KDM4B: variants seen among roughly 807,000 people sequenced by gnomAD.
KDM4B encodes the protein lysine demethylase 4B.
In KDM4B, 32 loss-of-function variants were observed where a neutral mutation model predicts 125.2. The observed-to-expected ratio is 0.26, with a 90% CI of 0.19 to 0.34. KDM4B has a LOEUF of 0.34. Among genes scored for constraint, KDM4B ranks in the 10% least tolerant of loss-of-function variants. KDM4B has a pLI of 1.00. For missense variants in KDM4B, 1,190 were observed against 1,577.7 expected (o/e 0.75, Z 4.16); for synonymous variants, 721 against 677.9 (o/e 1.06, Z -0.99).
Position 5,144,335 on chromosome 19 carries a change from G to A in KDM4B, c.2824G>A (p.Ala942Thr), listed in dbSNP as rs1291989924. ...GTACTACCGCTGTCGCGTCATCGGT[G>A]CCGCCTCGCAGACCTGCTACGAAGT... ...GLYYRCRVIG[A>T]ASQTCYEVNF... is the part of the protein sequence containing the mutation. Residue 942 changes from alanine (A) to threonine (T), a missense_variant, in exon 20 of 23, where the codon GCC becomes ACC. Physicochemically the swap from Ala to Thr is moderately conservative, Grantham distance 58. Transcript: ENST00000159111. The A allele has an allele frequency of 6.4e-7, 1 of 1,568,242 alleles. No homozygotes were observed.
intron 2 of KDM4B, among the ~76,000 whole-genome samples, chr19:5,017,439 G>A (rs1342466627): frequency 2.6e-5 from 4 of 152,212 alleles, no homozygotes; most frequent in Non-Finnish European, 5.9e-5. Flanking sequence ...CTGGAACAGA[G>A]GGCGTGGCCT....
intron 9 of KDM4B, among the ~76,000 whole-genome samples, chr19:5,099,756 C>T (rs760567460): frequency 5.3e-5 from 8 of 152,340 alleles, no homozygotes; most frequent in Admixed American, 1.3e-4. Flanking sequence ...CCCCAGAGAG[C>T]TCCCTCACCC....
intron 6 of KDM4B, among the ~76,000 whole-genome samples, chr19:5,055,010 G>A (rs754917879): frequency 6.6e-6 from 1 of 152,228 alleles, no homozygotes; most frequent in Non-Finnish European, 1.5e-5. Context: ...ACACTGGGGC[G>A]TCCACAGCGA....
chr19:5,036,292 C>A (rs2036624006), intron 3 of KDM4B, among the ~76,000 whole-genome samples: 1 of 152,234 alleles, frequency 6.6e-6, no homozygotes, highest in African/African-American at 2.4e-5. Flanking sequence ...TCGCCCCTGC[C>A]CCCAGCAGAG....
In KDM4B at chr19:5,029,345, C is replaced by T. The variant is rs577695984; in HGVS notation, c.-25-3521C>T. On this transcript the variant is annotated intron_variant, in intron 2 of 22. Coordinates refer to ENST00000159111, the MANE Select transcript of KDM4B (RefSeq NM_015015.3). ...GCTCTTCCAGGGTGTCTGATGCCCC[C>T]GAGTCATCCTGTGTCCTCTGTCTGC... Among the ~76,000 whole-genome samples the T allele has an allele frequency of 6.3e-4, 96 of 152,354 alleles. 1 individual carries two copies. Among genetic ancestry groups the T allele is most frequent in the African/African-American group, 2.3e-3 (94 of 41,586 alleles).
chr19:5,043,111 C>T (rs1041199816), intron 5 of KDM4B, among the ~76,000 whole-genome samples: 7 of 151,208 alleles, frequency 4.6e-5, no homozygotes, highest in African/African-American at 7.3e-5. Flanking sequence ...TTATCCCGCA[C>T]GGCGTTTATC....
Position 5,038,533 on chromosome 19 carries a change from G to T in KDM4B, c.142-1303G>T, listed in dbSNP as rs866776800. On this transcript the variant is annotated intron_variant, in intron 3 of 22. Transcript: ENST00000159111. The stretch of plus-strand genomic sequence containing the variant: ...GGCACCGGGTTCCGGCTGCAGTGCC[G>T]CCTCTGACAGGTGCTGGTCCTTGTC... Among the ~76,000 whole-genome samples the T allele has an allele frequency of 2.0e-5, 3 of 152,230 alleles. No individual in the cohort carries two copies. In the East Asian group the frequency reaches 5.8e-4, roughly 29 times the overall value.
In KDM4B at chr19:5,137,158, C is replaced by T. The variant is rs1355888263; in HGVS notation, c.2309-104C>T. On this transcript the variant is annotated intron_variant, in intron 15 of 22. Transcript: ENST00000159111. The stretch of plus-strand genomic sequence containing the variant: ...TGCGGAGGCCTCGTCACTCCACATA[C>T]GGACACTGGCCCCCAAGTTACCCGG... The T allele has an allele frequency of 1.5e-5, 11 of 755,582 alleles. 1 individual carries two copies. Among genetic ancestry groups the T allele is most frequent in the African/African-American group, 3.4e-5 (2 of 58,426 alleles). The allele number at this position is 755,582 out of a possible 1,614,324, so 46.8% of individuals were successfully genotyped here. A position where few individuals can be genotyped will look rare whatever the true frequency, so the allele number is the denominator to read the frequency against.
intron 6 of KDM4B, among the ~76,000 whole-genome samples, chr19:5,062,570 C>T (rs1306750148): frequency 6.6e-6 from 1 of 152,176 alleles, no homozygotes; most frequent in African/African-American, 2.4e-5. Flanking sequence ...TCCTGCTCCA[C>T]CCTAGACGAG....
intron 1 of KDM4B, among the ~76,000 whole-genome samples, chr19:4,990,583 G>A (rs921076225): frequency 6.6e-6 from 1 of 152,168 alleles, no homozygotes; most frequent in East Asian, 1.9e-4. Context: ...CTCACATGCC[G>A]TGTTTTAATA....
At chr19:5,051,643 A>C (rs944703576) in intron 6 of KDM4B, among the ~76,000 whole-genome samples, 1 of 152,210 alleles carries the variant, frequency 6.6e-6, no homozygotes, top group South Asian at 2.1e-4. Context: ...CGTGGCAGCC[A>C]CAGAGGCCTC....
chr19:5,046,104 G>T (rs1009662471), intron 5 of KDM4B, among the ~76,000 whole-genome samples: 2 of 152,346 alleles, frequency 1.3e-5, no homozygotes, highest in East Asian at 1.9e-4. Context: ...GAGCCTCTGG[G>T]TTGGCTGGCC....
intron 21 of KDM4B, 76 bp downstream of exon 21, chr19:5,144,978 C>A: frequency 6.3e-7 from 1 of 1,588,168 alleles, no homozygotes; most frequent in Non-Finnish European, 8.6e-7. Context: ...GAGGATCACA[C>A]CCCTGGCCCA....
At chr19:5,096,952 G>C (rs891295076) in intron 9 of KDM4B, among the ~76,000 whole-genome samples, 7 of 152,356 alleles carry the variant, frequency 4.6e-5, no homozygotes, top group African/African-American at 9.6e-5. Context: ...TGCTAGGGAA[G>C]GGCTTGTGAG....
Position 5,024,951 on chromosome 19 carries a change from A to C in KDM4B, c.-25-7915A>C, listed in dbSNP as rs1033738673. ...TGACAAGAGCGAGACTCCGTCTCAA[A>C]AAACAAAAACAAAAAGGCTTTATTG... On this transcript the variant is annotated intron_variant, in intron 2 of 22. Coordinates refer to ENST00000159111, the MANE Select transcript of KDM4B (RefSeq NM_015015.3). Among the ~76,000 whole-genome samples, 17 of 152,260 alleles carry C rather than the reference A, an allele frequency of 1.1e-4. 1 individual carries two copies. The highest frequency in any genetic ancestry group is 4.1e-4 in the African/African-American group (17 of 41,468).
rs1401750180 is a variant in KDM4B, at chr19:5,114,836, G to A, written c.1115+4018G>A. Among the ~76,000 whole-genome samples the A allele has an allele frequency of 1.3e-5, 2 of 152,216 alleles. No individual in the cohort carries two copies. The highest frequency in any genetic ancestry group is 6.5e-5 in the Admixed American group (1 of 15,288). On this transcript the variant is annotated intron_variant, in intron 10 of 22. Coordinates refer to ENST00000159111, the MANE Select transcript of KDM4B (RefSeq NM_015015.3). The surrounding 1 kb of genome is among the most constrained non-coding windows in gnomAD (Gnocchi z 5.8). ...GACAGGGCCAGAGGCCGTCCACCCCGCCTCCTGCCATACAAGCTGCAAAGG... is the reference window on the plus strand; with the variant it reads ...GACAGGGCCAGAGGCCGTCCACCCCACCTCCTGCCATACAAGCTGCAAAGG...
intron 9 of KDM4B, among the ~76,000 whole-genome samples, chr19:5,090,935 G>A (rs1568292140): frequency 6.6e-6 from 1 of 152,036 alleles, no homozygotes; most frequent in Non-Finnish European, 1.5e-5. Context: ...GGGGGCAGCT[G>A]GAGGGGTCTC....
chr19:5,119,240 G>A (rs1334361047), intron 10 of KDM4B: 15 of 1,459,060 alleles, frequency 1.0e-5, no homozygotes, highest in African/African-American at 2.8e-5. Context: ...TTTTCGTTCC[G>A]TTTGTCGTCT....
intron 9 of KDM4B, among the ~76,000 whole-genome samples, chr19:5,090,789 C>T (rs1366247667): frequency 2.0e-5 from 3 of 150,690 alleles, no homozygotes; most frequent in Non-Finnish European, 3.0e-5. Context: ...CACCCTAGAC[C>T]TTCCTCTGCT....
Sources: gnomAD v4.1 joint callset for allele counts (sites outside exome capture counted in the v4.1 genomes callset) on GRCh38, gnomAD v4.1.1 for gene constraint, Gnocchi (gnomAD v3.1) non-coding constraint, MANE v1.5 for transcripts, NCBI Gene and HGNC (gene_info 2026-07-23, HGNC 2026-07-21) for gene names.